TESK2: variants seen among roughly 807,000 people sequenced by gnomAD.
The protein encoded by TESK2 is dual specificity testis-specific protein kinase 2.
A neutral mutation model predicts 57.1 loss-of-function variants in TESK2; 39 were observed. The ratio of observed to expected loss-of-function variants is 0.68; its 90% confidence interval spans 0.53 to 0.89. The LOEUF is 0.89. Ranked by LOEUF, TESK2 falls within the 40% of genes least tolerant of loss-of-function variation. TESK2 has a pLI of 0.00. For synonymous variants in TESK2, 249 were observed against 267.9 expected, an observed-to-expected ratio of 0.93 and a Z score of 0.69; for missense variants, 646 against 732.1, an observed-to-expected ratio of 0.88 and a Z score of 1.36.
intron 4 of TESK2, among the ~76,000 whole-genome samples, chr1:45,362,230 C>T (rs900543055): frequency 1.3e-5 from 2 of 152,210 alleles, no homozygotes; most frequent in Non-Finnish European, 2.9e-5. Context: ...ATTCTTATAG[C>T]AGCATAAATG....
At chr1:45,439,869 G>A (rs1651369259) in intron 2 of TESK2, among the ~76,000 whole-genome samples, 1 of 152,056 alleles carries the variant, frequency 6.6e-6, no homozygotes, top group Non-Finnish European at 1.5e-5. Flanking sequence ...GAGGCAGGAG[G>A]ATCACTTGAG....
At chr1:45,370,200 G>A (rs1176506331) in intron 4 of TESK2, among the ~76,000 whole-genome samples, 1 of 152,160 alleles carries the variant, frequency 6.6e-6, no homozygotes, top group East Asian at 1.9e-4. Context: ...AGGGCATAAA[G>A]GACTAGGATA....
At chr1:45,427,321 T>C (rs1454126493) in intron 2 of TESK2, among the ~76,000 whole-genome samples, 1 of 151,126 alleles carries the variant, frequency 6.6e-6, no homozygotes, top group South Asian at 2.1e-4. Context: ...GGAATGTAAA[T>C]TGGTATAGCC....
At chr1:45,350,633 C>T (rs1647217852) in intron 5 of TESK2, among the ~76,000 whole-genome samples, 1 of 152,208 alleles carries the variant, frequency 6.6e-6, no homozygotes, top group African/African-American at 2.4e-5. Context: ...TTTCAAGTCT[C>T]TTAGAGGATT....
rs150957666 is a variant in TESK2, at chr1:45,377,018, G to A, written c.393+8894C>T. ...GAGGATCCCTTAAGGTCAGGAGTTC[G>A]AGACCAGCCTGGGTGATATAGTGAG... On this transcript the variant is annotated intron_variant, in intron 4 of 10. Transcript: ENST00000372086. Among the ~76,000 whole-genome samples the A allele has an allele frequency of 4.7e-3, 719 of 152,188 alleles. 6 individuals are homozygous for A. The highest frequency in any genetic ancestry group is 0.016 in the African/African-American group (678 of 41,552).
At chr1:45,397,319 G>A (rs1557557137) in intron 3 of TESK2, among the ~76,000 whole-genome samples, 2 of 152,178 alleles carry the variant, frequency 1.3e-5, no homozygotes, top group Non-Finnish European at 2.9e-5. Context: ...AGAGCCGGGA[G>A]TCAAACCTAA....
chr1:45,463,269 T>A (rs1316952940), intron 1 of TESK2, among the ~76,000 whole-genome samples: 1 of 152,218 alleles, frequency 6.6e-6, no homozygotes, highest in East Asian at 1.9e-4. Context: ...TTGCTTTGGT[T>A]ACCTGTACTT....
At chr1:45,488,697 A>G (rs1403976092) in intron 1 of TESK2, among the ~76,000 whole-genome samples, 1 of 152,230 alleles carries the variant, frequency 6.6e-6, no homozygotes, top group African/African-American at 2.4e-5. Context: ...TTCTCAATAA[A>G]GATGAGTTTC....
intron 1 of TESK2, among the ~76,000 whole-genome samples, chr1:45,459,444 ACT>A (rs1652248343): frequency 6.6e-6 from 1 of 152,216 alleles, no homozygotes; most frequent in Non-Finnish European, 1.5e-5. Context: ...AAGGAAGAAT[ACT>A]CTGAGTTCCC....
chr1:45,356,820 C>T (rs1277571485), intron 4 of TESK2, among the ~76,000 whole-genome samples: 1 of 151,922 alleles, frequency 6.6e-6, no homozygotes, highest in African/African-American at 2.4e-5. Context: ...TCATGCATGC[C>T]CAGGGTTTAA....
intron 3 of TESK2, among the ~76,000 whole-genome samples, chr1:45,404,449 T>TA (rs1475297544): frequency 6.6e-6 from 1 of 152,202 alleles, no homozygotes; most frequent in East Asian, 1.9e-4. Context: ...ACTGAGCACC[T>TA]AAGGACGTGT....
intron 3 of TESK2, chr1:45,415,053 C>T (rs1263625391): frequency 1.6e-6 from 2 of 1,248,726 alleles, no homozygotes; most frequent in African/African-American, 1.5e-5. Context: ...TTCAACATCA[C>T]AGTCAAACAG....
chr1:45,453,200 A>T (rs892744685), intron 2 of TESK2, among the ~76,000 whole-genome samples: 1 of 151,964 alleles, frequency 6.6e-6, no homozygotes, highest in African/African-American at 2.4e-5. Flanking sequence ...TACAAAAATT[A>T]GCCAGGTATG....
chr1:45,364,957 T>C (rs1363880431), intron 4 of TESK2, among the ~76,000 whole-genome samples: 2 of 152,222 alleles, frequency 1.3e-5, no homozygotes, highest in African/African-American at 2.4e-5. Context: ...GTTGGCACTC[T>C]ACTCTTTGGA....
chr1:45,363,380 C>T (rs1313834415), intron 4 of TESK2, among the ~76,000 whole-genome samples: 2 of 152,142 alleles, frequency 1.3e-5, no homozygotes, highest in Admixed American at 6.6e-5. Context: ...ATAGCCAAGA[C>T]AATCTTTCTG....
In TESK2 at chr1:45,429,720, A is replaced by G. The variant is rs12080394; in HGVS notation, c.223-7874T>C. On this transcript the variant is annotated intron_variant, in intron 2 of 10. Transcript: ENST00000372086. ...TATCTGACTTTCCAAGAAATCAGGA[A>G]AGAGAGATAACAGCCAATCACCCAA... 4.7e-3 allele frequency among the ~76,000 whole-genome samples: 719 copies of G among 152,290 alleles called. 7 individuals carry two copies. The highest frequency in any genetic ancestry group is 0.016 in the African/African-American group (674 of 41,564).
At chr1:45,360,348 A>C (rs529160549) in intron 4 of TESK2, among the ~76,000 whole-genome samples, 3 of 152,144 alleles carry the variant, frequency 2.0e-5, no homozygotes, top group Non-Finnish European at 1.5e-5. Context: ...GCATGATGAC[A>C]GTGTGATATG....
chr1:45,486,639 C>A (rs1361474354), intron 1 of TESK2, among the ~76,000 whole-genome samples: 1 of 150,330 alleles, frequency 6.7e-6, no homozygotes, highest in African/African-American at 2.4e-5. Flanking sequence ...CTTGCCACTG[C>A]ACTCCAGCCT....
intron 5 of TESK2, among the ~76,000 whole-genome samples, chr1:45,350,616 T>C (rs968389673): frequency 1.3e-5 from 2 of 152,212 alleles, no homozygotes; most frequent in Non-Finnish European, 2.9e-5. Flanking sequence ...CCTCAGGGAC[T>C]GTTATATTTC....
Sources: allele counts gnomAD v4.1 joint callset (sites outside exome capture counted in the v4.1 genomes callset), GRCh38; gene constraint gnomAD v4.1.1; transcripts MANE v1.5; gene names NCBI Gene and HGNC (gene_info 2026-07-23, HGNC 2026-07-21).